The following NLGN4X variants were observed in gnomAD, a reference collection of about 807,000 sequenced individuals.
NLGN4X encodes neuroligin-4, X-linked.
NLGN4X carries 3 observed loss-of-function variants against 40.3 expected under a neutral mutation model. The observed-to-expected ratio is 0.07, with a 90% CI of 0.03 to 0.19. The LOEUF (loss-of-function observed/expected upper bound fraction) is 0.19. NLGN4X is among the 10% of genes least tolerant of loss of function. NLGN4X has a pLI of 1.00. For synonymous variants in NLGN4X, 270 were observed against 306.8 expected (o/e 0.88, Z 1.25); for missense variants, 382 against 708.3 (o/e 0.54, Z 5.23).
chrX:6,079,155 C>T (rs1054740973), intron 2 of NLGN4X, among the ~76,000 whole-genome samples: 9 of 111,572 alleles, frequency 8.1e-5, no homozygotes, highest in African/African-American at 2.9e-4. Context: ...TAAGAATAGA[C>T]TAATATAGCA....
At chrX:5,907,103 G>GT (rs1284820408) in intron 4 of NLGN4X, among the ~76,000 whole-genome samples, 1 of 110,959 alleles carries the variant, frequency 9.0e-6, no homozygotes. Context: ...TTCCATGAAG[G>GT]TTTTGAGAAC....
chrX:6,049,180 C>A (rs1484601394), intron 2 of NLGN4X, among the ~76,000 whole-genome samples: 2 of 76,058 alleles, frequency 2.6e-5, no homozygotes, highest in Non-Finnish European at 4.9e-5. Context: ...ATCTGCCACC[C>A]CAGAAATGCT....
intron 3 of NLGN4X, among the ~76,000 whole-genome samples, chrX:5,974,947 A>ATC (rs1240290325): frequency 8.9e-6 from 1 of 111,901 alleles, no homozygotes; most frequent in Non-Finnish European, 1.9e-5. Flanking sequence ...GTACCATGAC[A>ATC]GATGATCTGG....
chrX:6,007,348 A>G (rs960261141), intron 3 of NLGN4X, among the ~76,000 whole-genome samples: 1 of 111,147 alleles, frequency 9.0e-6, no homozygotes, highest in African/African-American at 3.3e-5. Flanking sequence ...AGGGGCATGA[A>G]GGATGAAATA....
intron 2 of NLGN4X, among the ~76,000 whole-genome samples, chrX:6,121,442 G>A: frequency 8.9e-6 from 1 of 111,879 alleles, no homozygotes. Context: ...CAACAGACAT[G>A]TCAGGCTCTC....
At chrX:6,223,187 G>A (rs970803164) in intron 1 of NLGN4X, among the ~76,000 whole-genome samples, 10 of 109,958 alleles carry the variant, frequency 9.1e-5, no homozygotes, top group Admixed American at 2.9e-4. Context: ...TTTTATATAC[G>A]TATTTTAGTA....
intron 1 of NLGN4X, among the ~76,000 whole-genome samples, chrX:6,185,805 C>T (rs1465703079): frequency 8.9e-6 from 1 of 112,019 alleles, no homozygotes; most frequent in East Asian, 2.8e-4. Flanking sequence ...GAGAGATCAA[C>T]CAGCAACTGG....
In NLGN4X at chrX:5,903,380, G is replaced by A. The variant is rs766387886; in HGVS notation, c.1298C>T (p.Pro433Leu). Reference protein sequence around the residue: ...MYTDWADKENPETRRKTLVAL... With the variant: ...MYTDWADKENLETRRKTLVAL... Reference sequence around the variant, plus strand: ...CACCAGGGTTTTCCGCCGCGTCTCCGGGTTTTCCTTATCGGCCCAGTCTGT... The same window carrying A: ...CACCAGGGTTTTCCGCCGCGTCTCCAGGTTTTCCTTATCGGCCCAGTCTGT... The change falls in exon 5 of 6, where the codon CCG becomes CTG. Residue 433 changes from proline (P) to leucine (L), a missense_variant. Transcript: ENST00000381095. The A allele has an allele frequency of 9.1e-6, 11 of 1,209,258 alleles. No individual in the cohort carries two copies. Among genetic ancestry groups the A allele is most frequent in the African/African-American group, 3.5e-5 (2 of 57,003 alleles).
intron 3 of NLGN4X, among the ~76,000 whole-genome samples, chrX:5,980,424 T>C (rs1180779247): frequency 9.1e-6 from 1 of 109,558 alleles, no homozygotes; most frequent in African/African-American, 3.3e-5. Context: ...AAATCAAGCT[T>C]CTTGTTTTAA....
intron 3 of NLGN4X, 68 bp downstream of exon 3, chrX:6,029,212 C>T (rs1401645253): frequency 3.5e-6 from 4 of 1,134,684 alleles, no homozygotes; most frequent in East Asian, 6.0e-5. Flanking sequence ...CCACGAGCCC[C>T]GTCAAAACGA....
At position 5,989,100 on chromosome X, in the gene NLGN4X, A is replaced by AT. The variant is rs1390074055; in HGVS notation, c.625+40179_625+40180insA. Among the ~76,000 whole-genome samples, 581 of 96,925 alleles carry AT rather than the reference A, an allele frequency of 6.0e-3. 1 individual carries two copies. The highest frequency in any genetic ancestry group is 8.5e-3 in the Non-Finnish European group (443 of 51,998). 84.2% of individuals were successfully genotyped at this position (96,925 alleles called of 115,157 possible). A position where few individuals can be genotyped will look rare whatever the true frequency, so the allele number is the denominator to read the frequency against. ...TAAAAAAAATAAAAAAAATAAAAAA[A>AT]AAAATAAAAAAGAGTTAGTTGAAAC... On this transcript the variant is annotated intron_variant, in intron 3 of 5. Coordinates refer to ENST00000381095, the MANE Select transcript of NLGN4X (RefSeq NM_181332.3).
chrX:5,892,885 A>G lies in NLGN4X; in HGVS notation c.2383T>C (p.Phe795Leu), dbSNP rs2031256570. 8.3e-7 allele frequency: 1 copy of G among 1,211,254 alleles called. No individual in the cohort carries two copies. The highest frequency in any genetic ancestry group is 1.7e-5 in the African/African-American group (1 of 57,572). The change falls in exon 6 of 6, where the codon TTT (phenylalanine) becomes CTT (leucine). Residue 795 changes from phenylalanine (F) to leucine (L), a missense_variant. Coordinates refer to ENST00000381095, the MANE Select transcript of NLGN4X (RefSeq NM_181332.3). ...TTTTGTCCTCCACTGAAGGTGTTAA[A>G]AGTGTGCAAAGGCTGCATCCCCGTC... ...TLTGMQPLHT[F>L]NTFSGGQNST...
intron 3 of NLGN4X, among the ~76,000 whole-genome samples, chrX:5,988,336 T>G (rs1463490121): frequency 8.9e-6 from 1 of 112,048 alleles, no homozygotes; most frequent in Non-Finnish European, 1.9e-5. Flanking sequence ...AATAATTTAT[T>G]AGGACCCTCT....
intron 2 of NLGN4X, among the ~76,000 whole-genome samples, chrX:6,051,895 A>C (rs2037502639): frequency 9.0e-6 from 1 of 111,139 alleles, no homozygotes; most frequent in African/African-American, 3.3e-5. Flanking sequence ...CCTAGGAAAT[A>C]GGATGGGATG....
intron 3 of NLGN4X, among the ~76,000 whole-genome samples, chrX:5,979,508 T>C (rs2035308718): frequency 9.0e-6 from 1 of 110,671 alleles, no homozygotes; most frequent in African/African-American, 3.3e-5. Flanking sequence ...CACCAAGCCC[T>C]GGCATAGCGA....
At chrX:6,108,688 A>G (rs1015814949) in intron 2 of NLGN4X, among the ~76,000 whole-genome samples, 4 of 109,569 alleles carry the variant, frequency 3.7e-5, no homozygotes, top group Non-Finnish European at 5.7e-5. Flanking sequence ...TGTTTCAAAA[A>G]AAAAGGAAGA....
In NLGN4X at chrX:6,032,854, AAAAAG is replaced by A. The variant is rs2036907091; in HGVS notation, c.473-3427_473-3423del. The stretch of plus-strand genomic sequence containing the variant: ...AGAGAGATGCTACCCAGAAAAAGAA[AAAAAG>A]AAAAGAATGTAACACAAAAAGTTGA... On this transcript the variant is annotated intron_variant, in intron 2 of 5. Transcript: ENST00000381095. 2.4e-5 allele frequency: 11 copies of A among 451,809 alleles called. 1 individual carries two copies. The South Asian group carries it at 5.6e-4, about 23-fold the overall frequency. The allele number at this position is 451,809 out of a possible 1,213,427, so 37.2% of individuals were successfully genotyped here. A position where few individuals can be genotyped will look rare whatever the true frequency, so the allele number is the denominator to read the frequency against.
chrX:5,960,129 TTATAG>T (rs774789743), intron 3 of NLGN4X, among the ~76,000 whole-genome samples: 4 of 111,360 alleles, frequency 3.6e-5, no homozygotes, highest in African/African-American at 9.8e-5. Context: ...GTTTAATCAG[TTATAG>T]TATATCAATT....
chrX:6,220,053 A>G (rs1042279426), intron 1 of NLGN4X, among the ~76,000 whole-genome samples: 1 of 110,459 alleles, frequency 9.1e-6, no homozygotes, highest in African/African-American at 3.3e-5. Flanking sequence ...TCATTAATTA[A>G]TGGCTATTTC....
Sources: gnomAD v4.1 joint callset for allele counts (sites outside exome capture counted in the v4.1 genomes callset) on GRCh38, gnomAD v4.1.1 for gene constraint, MANE v1.5 for transcripts, NCBI Gene and HGNC (gene_info 2026-07-23, HGNC 2026-07-21) for gene names.